Variants in MIS18A observed in about 807,000 individuals in gnomAD.
MIS18A encodes MIS18 kinetochore protein A.
In MIS18A, 14 loss-of-function variants were observed where a neutral mutation model predicts 25.0. That is an observed-to-expected ratio of 0.56 (90% CI 0.37 to 0.88). The LOEUF (loss-of-function observed/expected upper bound fraction) is 0.88. Among genes scored for constraint, MIS18A ranks in the 40% least tolerant of loss-of-function variants. The pLI is 0.00. For missense variants in MIS18A, 292 were observed against 290.8 expected (o/e 1.00, Z -0.03); for synonymous variants, 134 against 118.6 (o/e 1.13, Z -0.84).
the MIS18A span, among the ~76,000 whole-genome samples, chr21:32,163,179 G>C: frequency 2.6e-5 from 4 of 152,182 alleles, no homozygotes; most frequent in Admixed American, 6.5e-5. Context: ...AAACCTGGCA[G>C]TTAACCAATT....
At chr21:32,193,235 A>C in the MIS18A span, among the ~76,000 whole-genome samples, 2 of 152,044 alleles carry the variant, frequency 1.3e-5, no homozygotes, top group African/African-American at 4.8e-5. Context: ...TTTCCCAGGG[A>C]CAGTCCTGTC....
At chr21:32,159,329 T>C in the MIS18A span, among the ~76,000 whole-genome samples, 1 of 152,200 alleles carries the variant, frequency 6.6e-6, no homozygotes, top group Non-Finnish European at 1.5e-5. Context: ...CTATTAACCA[T>C]TTTTATAGCT....
the MIS18A span, among the ~76,000 whole-genome samples, chr21:32,222,934 C>CAAAAAA: frequency 3.0e-5 from 2 of 65,908 alleles, no homozygotes; most frequent in South Asian, 4.9e-4. Flanking sequence ...GACTCCGTCT[C>CAAAAAA]AAAAAAAAAA....
chr21:32,252,233 AAGAAGAAGGAGGAGG>A, the MIS18A span, among the ~76,000 whole-genome samples: 3,554 of 53,382 alleles, frequency 0.067, 68 homozygotes, highest in South Asian at 0.16. Context: ...GAAGAAGAAG[AAGAAGAAGGAGGAGG>A]AGGAGGAGGA....
At chr21:32,222,017 A>G in the MIS18A span, among the ~76,000 whole-genome samples, 2 of 152,146 alleles carry the variant, frequency 1.3e-5, no homozygotes, top group African/African-American at 4.8e-5. Flanking sequence ...AAGAGTCAAG[A>G]CCCATTGGTG....
chr21:32,268,096 T>C (rs2031637527), downstream of MIS18A: 1 of 152,284 alleles, frequency 6.6e-6, no homozygotes, highest in Non-Finnish European at 1.5e-5. Flanking sequence ...TCTGGGGAAA[T>C]TTGGGGTTAC....
the MIS18A span, among the ~76,000 whole-genome samples, chr21:32,245,478 A>T: frequency 6.6e-6 from 1 of 152,214 alleles, no homozygotes; most frequent in African/African-American, 2.4e-5. Flanking sequence ...TCTCTGCATT[A>T]TAAGAGGAAT....
downstream of MIS18A, among the ~76,000 whole-genome samples, chr21:32,267,667 A>T (rs981648076): frequency 1.1e-4 from 16 of 152,232 alleles, no homozygotes; most frequent in African/African-American, 3.9e-4. Context: ...CCAGAGAGTC[A>T]GCTGAGTCTT....
chr21:32,193,053 C>T, the MIS18A span, among the ~76,000 whole-genome samples: 1 of 152,216 alleles, frequency 6.6e-6, no homozygotes, highest in Non-Finnish European at 1.5e-5. Context: ...TGAGGGAAGA[C>T]AGCAAAGGTT....
the MIS18A span, among the ~76,000 whole-genome samples, chr21:32,249,368 G>A: frequency 6.6e-6 from 1 of 152,194 alleles, no homozygotes; most frequent in East Asian, 1.9e-4. Flanking sequence ...CAGGCTGCCC[G>A]GGCGGGGAAA....
the MIS18A span, among the ~76,000 whole-genome samples, chr21:32,195,888 C>T: frequency 6.6e-6 from 1 of 152,104 alleles, no homozygotes; most frequent in South Asian, 2.1e-4. Flanking sequence ...GGCATGGTGA[C>T]ACATGCATGT....
the MIS18A span, among the ~76,000 whole-genome samples, chr21:32,194,152 C>T: frequency 2.0e-5 from 3 of 152,140 alleles, no homozygotes; most frequent in Non-Finnish European, 2.9e-5. Context: ...AGGACCCACA[C>T]GTGTGCCTTT....
chr21:32,190,878 T>C, the MIS18A span, among the ~76,000 whole-genome samples: 1 of 152,254 alleles, frequency 6.6e-6, no homozygotes, highest in Non-Finnish European at 1.5e-5. Context: ...CTTCGATGTA[T>C]GTCTGCCACC....
the MIS18A span, among the ~76,000 whole-genome samples, chr21:32,208,328 G>T: frequency 2.0e-5 from 3 of 152,186 alleles, no homozygotes; most frequent in Non-Finnish European, 4.4e-5. Context: ...CTAATGAATG[G>T]TTTAGAACCA....
chr21:32,165,473 T>C, the MIS18A span, among the ~76,000 whole-genome samples: 1 of 151,948 alleles, frequency 6.6e-6, no homozygotes, highest in Admixed American at 6.6e-5. Context: ...TGATTCTACT[T>C]TTCCAGCAGA....
At chr21:32,172,565 C>G in the MIS18A span, among the ~76,000 whole-genome samples, 1 of 145,802 alleles carries the variant, frequency 6.9e-6, no homozygotes, top group African/African-American at 2.6e-5. Flanking sequence ...ATCCCAGATG[C>G]GTTTTTTTTC....
the MIS18A span, among the ~76,000 whole-genome samples, chr21:32,243,619 A>T: frequency 3.3e-5 from 5 of 152,262 alleles, no homozygotes; most frequent in Non-Finnish European, 5.9e-5. Context: ...AGTTAAACAC[A>T]GACTTACCAT....
rs565334160 is a variant in MIS18A, at chr21:32,277,498, G to A, written c.334+1183C>T. Among the ~76,000 whole-genome samples the A allele has an allele frequency of 2.0e-5, 3 of 152,198 alleles. No individual in the cohort carries two copies. In the South Asian group the frequency reaches 6.2e-4, roughly 32 times the overall value. ...AGACGTTGTCTCGCTCTGTCTCCAG[G>A]CTGGAGTGCAGTGGCGCAATCTCGG... On this transcript the variant is annotated intron_variant, in intron 1 of 4. Coordinates refer to ENST00000290130, the MANE Select transcript of MIS18A (RefSeq NM_018944.3).
the MIS18A span, among the ~76,000 whole-genome samples, chr21:32,216,265 C>T: frequency 6.6e-6 from 1 of 152,204 alleles, no homozygotes; most frequent in Non-Finnish European, 1.5e-5. Flanking sequence ...GGAAAACCAA[C>T]AGCCCACAAT....
Sources: allele counts gnomAD v4.1 joint callset (sites outside exome capture counted in the v4.1 genomes callset), GRCh38; gene constraint gnomAD v4.1.1; transcripts MANE v1.5; gene names NCBI Gene and HGNC (gene_info 2026-07-23, HGNC 2026-07-21).